The following CLDN10 variants were observed in gnomAD, a reference collection of about 807,000 sequenced individuals.
The protein encoded by CLDN10 is claudin-10.
Under a neutral mutation model 22.9 loss-of-function variants are expected in CLDN10, and 15 were observed. The observed-to-expected ratio is 0.65, with a 90% CI of 0.44 to 1.01. CLDN10 has a LOEUF of 1.01. CLDN10 is among the 50% of genes least tolerant of loss of function. CLDN10 has a pLI of 0.00. For missense variants in CLDN10, 247 were observed against 287.8 expected (o/e 0.86, Z 1.03); for synonymous variants, 114 against 111.4 (o/e 1.02, Z -0.15).
At chr13:95,541,096 G>A (rs1594599056) in intron 1 of CLDN10, among the ~76,000 whole-genome samples, 1 of 152,314 alleles carries the variant, frequency 6.6e-6, no homozygotes. Context: ...AACCTGCCGA[G>A]GGACCTTCTA....
chr13:95,525,804 T>C (rs191033814), intron 1 of CLDN10, among the ~76,000 whole-genome samples: 2 of 151,806 alleles, frequency 1.3e-5, no homozygotes, highest in South Asian at 2.1e-4. Context: ...ACTTTCACTG[T>C]TGTAAGCCAC....
intron 3 of CLDN10, among the ~76,000 whole-genome samples, chr13:95,567,789 T>C (rs1423974294): frequency 3.3e-5 from 5 of 152,294 alleles, no homozygotes; most frequent in Non-Finnish European, 7.3e-5. Context: ...TTTTGAGATG[T>C]GTTCCATCAA....
In CLDN10 at chr13:95,547,615, T is replaced by G. The variant is rs115269032; in HGVS notation, c.215-12517T>G. Among the ~76,000 whole-genome samples the G allele has an allele frequency of 4.4e-3, 676 of 152,300 alleles. 7 individuals are homozygous for G. Among genetic ancestry groups the G allele is most frequent in the African/African-American group, 0.015 (626 of 41,552 alleles). On this transcript the variant is annotated intron_variant, in intron 1 of 4. Coordinates refer to the CLDN10 transcript ENST00000376873. Reference sequence around the variant, plus strand: ...CTGTCATTTAGTCCCACGTTATACTTGAAGAAGTGATGCTGAGTGAGATTA... The same window carrying G: ...CTGTCATTTAGTCCCACGTTATACTGGAAGAAGTGATGCTGAGTGAGATTA...
At chr13:95,563,131 T>TCTCTCG (rs1379345361) in intron 3 of CLDN10, among the ~76,000 whole-genome samples, 1 of 151,000 alleles carries the variant, frequency 6.6e-6, no homozygotes, top group African/African-American at 2.5e-5. Context: ...TCTCTCTCTC[T>TCTCTCG]CTCTGTCTGT....
chr13:95,442,722 G>A (rs546331190), intron 1 of CLDN10, among the ~76,000 whole-genome samples: 1 of 152,230 alleles, frequency 6.6e-6, no homozygotes, highest in Non-Finnish European at 1.5e-5. Flanking sequence ...AAAACTTTGG[G>A]ACAGACAGTT....
At chr13:95,546,590 T>G (rs979921260) in intron 1 of CLDN10, among the ~76,000 whole-genome samples, 2 of 152,222 alleles carry the variant, frequency 1.3e-5, no homozygotes, top group African/African-American at 4.8e-5. Flanking sequence ...ATAATTCATT[T>G]TAAACTTCCT....
At chr13:95,506,101 C>A (rs1272451209) in intron 1 of CLDN10, among the ~76,000 whole-genome samples, 1 of 152,146 alleles carries the variant, frequency 6.6e-6, no homozygotes, top group African/African-American at 2.4e-5. Flanking sequence ...GGAATTCAAC[C>A]TCACTGCTTA....
At chr13:95,563,964 C>T (rs1053149784) in intron 3 of CLDN10, among the ~76,000 whole-genome samples, 6 of 152,164 alleles carry the variant, frequency 3.9e-5, no homozygotes, top group African/African-American at 1.4e-4. Flanking sequence ...TTTATTTTGG[C>T]TTATTCTAGG....
intron 1 of CLDN10, among the ~76,000 whole-genome samples, chr13:95,529,384 A>T (rs1049447283): frequency 2.0e-5 from 3 of 151,670 alleles, no homozygotes; most frequent in African/African-American, 7.3e-5. Context: ...GAATAAACAC[A>T]TTTTTTTTCA....
intron 1 of CLDN10, among the ~76,000 whole-genome samples, chr13:95,503,878 T>C (rs2138544675): frequency 6.6e-6 from 1 of 152,324 alleles, no homozygotes; most frequent in South Asian, 2.1e-4. Flanking sequence ...AGAGTTTCAG[T>C]TCTGCAAGTT....
chr13:95,534,321 C>T (rs9561897), intron 1 of CLDN10, among the ~76,000 whole-genome samples: 17,641 of 151,630 alleles, frequency 0.12, 1,132 homozygotes, highest in Middle Eastern at 0.25. Flanking sequence ...ACTGCCAGGA[C>T]GATATGTTAA....
intron 1 of CLDN10, among the ~76,000 whole-genome samples, chr13:95,526,405 T>C (rs1365021252): frequency 1.3e-5 from 2 of 152,182 alleles, no homozygotes; most frequent in Non-Finnish European, 2.9e-5. Context: ...AAGCTCACAG[T>C]GGACATTTGT....
intron 3 of CLDN10, among the ~76,000 whole-genome samples, chr13:95,572,013 G>T (rs1034447694): frequency 6.6e-6 from 1 of 152,190 alleles, no homozygotes; most frequent in African/African-American, 2.4e-5. Context: ...CTTCTCTGGG[G>T]ATCTTAAAAG....
At chr13:95,561,134 A>T (rs2043706270) in intron 3 of CLDN10, among the ~76,000 whole-genome samples, 1 of 152,176 alleles carries the variant, frequency 6.6e-6, no homozygotes, top group Admixed American at 6.5e-5. Context: ...AACCCCAGGG[A>T]TACCAAATCA....
intron 3 of CLDN10, among the ~76,000 whole-genome samples, chr13:95,569,301 T>A (rs1344009731): frequency 6.6e-6 from 1 of 152,158 alleles, no homozygotes; most frequent in African/African-American, 2.4e-5. Flanking sequence ...CTATAAGGCT[T>A]GGCTGGGTGC....
At chr13:95,572,817 T>C (rs1056080966) in intron 3 of CLDN10, among the ~76,000 whole-genome samples, 12 of 152,222 alleles carry the variant, frequency 7.9e-5, no homozygotes, top group African/African-American at 2.9e-4. Flanking sequence ...ATACCTGGCA[T>C]GTCATTTCTG....
chr13:95,544,585 A>G (rs532666139), intron 1 of CLDN10, among the ~76,000 whole-genome samples: 2 of 152,206 alleles, frequency 1.3e-5, no homozygotes, highest in African/African-American at 4.8e-5. Context: ...TGTGTCTGTT[A>G]TCAGTCTGCC....
At chr13:95,446,940 A>G (rs1015741076) in intron 1 of CLDN10, among the ~76,000 whole-genome samples, 1 of 152,208 alleles carries the variant, frequency 6.6e-6, no homozygotes, top group East Asian at 1.9e-4. Flanking sequence ...AGTGTATGCC[A>G]TCTAACCTTT....
chr13:95,488,993 C>T (rs1297780188), intron 1 of CLDN10, among the ~76,000 whole-genome samples: 1 of 145,254 alleles, frequency 6.9e-6, no homozygotes, highest in Admixed American at 7.0e-5. Context: ...CTCTCGTCAC[C>T]CAGGCTAGAG....
Sources: gnomAD v4.1 joint callset for allele counts (sites outside exome capture counted in the v4.1 genomes callset) on GRCh38, gnomAD v4.1.1 for gene constraint, MANE v1.5 for transcripts, NCBI Gene and HGNC (gene_info 2026-07-23, HGNC 2026-07-21) for gene names.